Variants in PREX2 observed in about 807,000 individuals in gnomAD.
The protein encoded by PREX2 is phosphatidylinositol 3,4,5-trisphosphate-dependent Rac exchanger 2 protein.
A neutral mutation model predicts 203.2 loss-of-function variants in PREX2; 107 were observed. The observed-to-expected ratio is 0.53, with a 90% CI of 0.45 to 0.62. PREX2 has a LOEUF of 0.62. Ranked by LOEUF, PREX2 falls within the 20% of genes least tolerant of loss-of-function variation. The pLI is 0.00. For synonymous variants in PREX2, 672 were observed against 663.6 expected (o/e 1.01, Z -0.19); for missense variants, 1,777 against 1,955.9 (o/e 0.91, Z 1.72).
chr8:68,098,849 T>C (rs961995957), intron 22 of PREX2, among the ~76,000 whole-genome samples: 2 of 150,978 alleles, frequency 1.3e-5, no homozygotes, highest in African/African-American at 4.9e-5. Context: ...ATATACATTT[T>C]ATGTTTCACA....
intron 23 of PREX2, 90 bp from the exon 24 acceptor site, chr8:68,108,019 T>G: frequency 2.6e-6 from 2 of 768,090 alleles, no homozygotes; most frequent in Non-Finnish European, 4.2e-6. Flanking sequence ...AATTTGCCTT[T>G]GATTTTGTTG....
chr8:68,003,035 G>A (rs955721101), intron 1 of PREX2, among the ~76,000 whole-genome samples: 1 of 152,108 alleles, frequency 6.6e-6, no homozygotes, highest in Non-Finnish European at 1.5e-5. Context: ...TAACTTCATT[G>A]GACAGTTTCA....
intron 1 of PREX2, among the ~76,000 whole-genome samples, chr8:67,992,911 C>G (rs192692979): frequency 1.5e-4 from 23 of 152,136 alleles, no homozygotes; most frequent in African/African-American, 5.6e-4. Context: ...TAAGGAAAAA[C>G]TTCAGCTGAA....
At chr8:68,135,798 T>C (rs954259826) in intron 32 of PREX2, among the ~76,000 whole-genome samples, 1 of 152,158 alleles carries the variant, frequency 6.6e-6, no homozygotes, top group African/African-American at 2.4e-5. Context: ...AGATTATTCA[T>C]AGTAGCTAAA....
chr8:68,055,060 C>A (rs958312628), intron 9 of PREX2, among the ~76,000 whole-genome samples: 3 of 152,208 alleles, frequency 2.0e-5, no homozygotes, highest in Non-Finnish European at 4.4e-5. Flanking sequence ...TTTCTCCTAA[C>A]AGTGTCACTC....
chr8:67,958,655 A>G (rs937429109), intron 1 of PREX2, among the ~76,000 whole-genome samples: 1 of 152,186 alleles, frequency 6.6e-6, no homozygotes, highest in African/African-American at 2.4e-5. Context: ...ATAAAAGAAC[A>G]GTAACAGCAG....
At chr8:68,210,771 A>G (rs1198322512) in intron 37 of PREX2, among the ~76,000 whole-genome samples, 1 of 152,198 alleles carries the variant, frequency 6.6e-6, no homozygotes, top group Non-Finnish European at 1.5e-5. Flanking sequence ...GTCTGCAATC[A>G]TGGTAAATGA....
chr8:67,981,333 A>G (rs1029643858), intron 1 of PREX2, among the ~76,000 whole-genome samples: 5 of 152,196 alleles, frequency 3.3e-5, no homozygotes, highest in Non-Finnish European at 5.9e-5. Flanking sequence ...ACAGTTACAG[A>G]GAAAAGAATG....
chr8:68,093,655 C>T lies in PREX2; in HGVS notation c.2301C>T (p.Asp767=), dbSNP rs1809962436. 2 of 1,611,780 alleles carry T rather than the reference C, an allele frequency of 1.2e-6. No individual in the cohort carries two copies. The highest frequency in any genetic ancestry group is 1.7e-6 in the Non-Finnish European group (2 of 1,178,122). Residue 767 remains aspartate, a synonymous_variant, in exon 21 of 40, where the codon GAC becomes GAT. Transcript: ENST00000288368. ...VYNSIESAQE[D]LQKSHSKPPG... is the part of the protein sequence containing the mutation. ...ATAGCATTGAGAGTGCTCAAGAAGA[C>T]CTTCAAAAATCTCACTCCAAGCCCC...
At chr8:68,203,758 T>TA (rs1235237524) in intron 37 of PREX2, among the ~76,000 whole-genome samples, 1 of 152,102 alleles carries the variant, frequency 6.6e-6, no homozygotes, top group Non-Finnish European at 1.5e-5. Flanking sequence ...AGCCTCAGGG[T>TA]AAAACAGAAG....
intron 39 of PREX2, among the ~76,000 whole-genome samples, chr8:68,227,409 C>G (rs200752036): frequency 6.6e-6 from 1 of 152,088 alleles, no homozygotes; most frequent in African/African-American, 2.4e-5. Context: ...GGGAAGCACA[C>G]GCACAGGGAG....
In PREX2 at chr8:68,103,529, C is replaced by A. The variant is rs746222561; in HGVS notation, c.2715+3686C>A. On this transcript the variant is annotated intron_variant, in intron 23 of 39. Transcript: ENST00000288368. ...ACCTACATTAAAAAGAAATAGCCCT[C>A]CCCTACCCCACACTGTTCCCTTTCT... The A allele has an allele frequency of 1.2e-5, 6 of 518,802 alleles. No individual in the cohort carries two copies. In the East Asian group the frequency reaches 3.3e-4, roughly 28 times the overall value. 32.1% of individuals were successfully genotyped at this position (518,802 alleles called of 1,614,324 possible).
chr8:68,056,070 C>G (rs754854614), intron 10 of PREX2, 96 bp downstream of exon 10: 48 of 1,294,276 alleles, frequency 3.7e-5, no homozygotes, highest in Non-Finnish European at 4.6e-5. Context: ...AAAATATTCC[C>G]TTAGGCACTT....
chr8:68,142,547 T>A (rs548491738), intron 33 of PREX2, among the ~76,000 whole-genome samples: 1 of 152,298 alleles, frequency 6.6e-6, no homozygotes, highest in South Asian at 2.1e-4. Flanking sequence ...GACATCTTGG[T>A]TGCTTTTAAG....
In PREX2 at chr8:68,080,826, A is replaced by G; in HGVS notation, c.1866A>G (p.Gly622=). Residue 622 remains glycine, a synonymous_variant, in exon 17 of 40, where the codon GGA becomes GGG. Transcript: ENST00000288368. ...KVPIIKLVEK[G]SNAEMAGMEV... ...CAATAATAAAGTTGGTAGAAAAGGG[A>G]TCTAATGCTGAGGTAATGTAAATTA... 6.7e-7 allele frequency: 1 copy of G among 1,489,074 alleles called. No individual in the cohort carries two copies. The highest frequency in any genetic ancestry group is 9.3e-7 in the Non-Finnish European group (1 of 1,072,842). 92.2% of individuals were successfully genotyped at this position (1,489,074 alleles called of 1,614,324 possible).
intron 1 of PREX2, among the ~76,000 whole-genome samples, chr8:67,988,253 A>G (rs1189182864): frequency 6.6e-6 from 1 of 152,194 alleles, no homozygotes; most frequent in Non-Finnish European, 1.5e-5. Context: ...AGTAGAATTG[A>G]TAGTGGTAAG....
chr8:68,069,179 T>C (rs1224474176), intron 12 of PREX2, 43 bp downstream of exon 12: 2 of 903,782 alleles, frequency 2.2e-6, no homozygotes, highest in Non-Finnish European at 3.5e-6. Flanking sequence ...AGAATGCATG[T>C]TGTCATTCTT....
intron 37 of PREX2, among the ~76,000 whole-genome samples, chr8:68,200,837 G>A (rs1156658710): frequency 6.6e-6 from 1 of 152,110 alleles, no homozygotes; most frequent in African/African-American, 2.4e-5. Flanking sequence ...AGGAGAGGAT[G>A]TGACTGCCTT....
intron 35 of PREX2, among the ~76,000 whole-genome samples, chr8:68,184,534 T>A (rs1404275623): frequency 1.3e-5 from 2 of 152,146 alleles, no homozygotes; most frequent in Non-Finnish European, 2.9e-5. Context: ...TAGGAAGCAA[T>A]ATCAGGAGAA....
Sources: allele counts gnomAD v4.1 joint callset (sites outside exome capture counted in the v4.1 genomes callset), GRCh38; gene constraint gnomAD v4.1.1; transcripts MANE v1.5; gene names NCBI Gene and HGNC (gene_info 2026-07-23, HGNC 2026-07-21).